ADAM32: variants seen among roughly 807,000 people sequenced by gnomAD.
The protein encoded by ADAM32 is ADAM metallopeptidase domain 32.
In ADAM32, 89 loss-of-function variants were observed where a neutral mutation model predicts 114.9. That is an observed-to-expected ratio of 0.77 (90% CI 0.65 to 0.92). ADAM32 has a LOEUF of 0.92. ADAM32 is among the 40% of genes least tolerant of loss of function. ADAM32 has a pLI of 0.00. For synonymous variants in ADAM32, 285 were observed against 307.5 expected (o/e 0.93, Z 0.77); for missense variants, 870 against 932.8 (o/e 0.93, Z 0.88).
chr8:39,172,742 T>C (rs7844992), intron 10 of ADAM32, among the ~76,000 whole-genome samples: 26 of 152,322 alleles, frequency 1.7e-4, no homozygotes, highest in South Asian at 4.1e-4. Flanking sequence ...CAGTCTATCA[T>C]TGATGGACAT....
At chr8:39,107,580 T>A (rs1839975428), upstream of ADAM32, 3 of 1,398,248 alleles carry the variant, frequency 2.1e-6, no homozygotes, top group South Asian at 4.6e-5. Context: ...GAGCTGGATG[T>A]TTTAGCCTCG....
chr8:39,197,343 G>C (rs1411788960), intron 11 of ADAM32, among the ~76,000 whole-genome samples: 1 of 151,092 alleles, frequency 6.6e-6, no homozygotes, highest in African/African-American at 2.4e-5. Context: ...TTTCTGCTCT[G>C]GTCTTTATTT....
intron 2 of ADAM32, chr8:39,129,947 C>G (rs982062700): frequency 3.1e-6 from 1 of 321,178 alleles, no homozygotes; most frequent in Non-Finnish European, 5.9e-6. Flanking sequence ...AATTGTACAT[C>G]ACATTTCCTT....
rs569965832 is a variant in ADAM32, at chr8:39,191,984, G to A, written c.1052+4939G>A. ...GTACCCGGTCTTCTTTGTACATCTG[G>A]TAGAATTTGGCTGTGACTCTGTCTG... On this transcript the variant is annotated intron_variant, in intron 11 of 24. Coordinates refer to ENST00000379907, the MANE Select transcript of ADAM32 (RefSeq NM_145004.7). Among the ~76,000 whole-genome samples the A allele has an allele frequency of 3.6e-4, 55 of 152,270 alleles. 1 individual carries two copies. In the South Asian group the frequency reaches 0.011, roughly 30 times the overall value.
intron 24 of ADAM32, among the ~76,000 whole-genome samples, 184 bp downstream of exon 24, chr8:39,283,808 C>T (rs1421276364): frequency 7.7e-6 from 1 of 129,408 alleles, no homozygotes; most frequent in African/African-American, 2.9e-5. Context: ...GAGTCTTGCT[C>T]TGTCGACCAG....
intron 19 of ADAM32, among the ~76,000 whole-genome samples, chr8:39,261,922 G>C (rs1456018909): frequency 6.6e-6 from 1 of 152,004 alleles, no homozygotes; most frequent in Non-Finnish European, 1.5e-5. Context: ...TGTTGAGATA[G>C]TTGAAATCAT....
chr8:39,257,341 C>A lies in ADAM32; in HGVS notation c.2160C>A (p.Ser720Arg). The change falls in exon 19 of 25, where the codon AGC becomes AGA. Residue 720 changes from serine (S) to arginine (R), a missense_variant and splice_region_variant. By Grantham distance (110) the Ser-to-Arg change is moderately radical. Transcript: ENST00000379907. ...CCAAGGAAGAGGAATTCCCAAGTAG[C>A]GAGTAAATTGCATTTGTGTTCTGAA... Reference protein sequence around the residue: ...WFAKEEEFPSSESKSEGSTQT... With the variant: ...WFAKEEEFPSRESKSEGSTQT... 2 of 1,612,306 alleles carry A rather than the reference C, an allele frequency of 1.2e-6. No individual in the cohort carries two copies. The highest frequency in any genetic ancestry group is 8.5e-7 in the Non-Finnish European group (1 of 1,179,042).
intron 5 of ADAM32, 44 bp downstream of exon 5, chr8:39,149,911 T>C (rs1467402799): frequency 6.7e-7 from 1 of 1,495,598 alleles, no homozygotes; most frequent in East Asian, 2.3e-5. Context: ...GTTATGATAT[T>C]TGGCTGCAGT....
chr8:39,159,832 G>C (rs1466310522), intron 6 of ADAM32, among the ~76,000 whole-genome samples: 1 of 152,114 alleles, frequency 6.6e-6, no homozygotes, highest in Non-Finnish European at 1.5e-5. Flanking sequence ...TCTGGCACGG[G>C]AAAGCCACAC....
At chr8:39,166,794 G>A (rs745535440) in intron 9 of ADAM32, 2 of 152,062 alleles carry the variant, frequency 1.3e-5, no homozygotes, top group African/African-American at 4.8e-5. Flanking sequence ...CATTAGTGTT[G>A]AGCATTTTTT....
At chr8:39,122,106 T>G (rs572239357) in intron 2 of ADAM32, among the ~76,000 whole-genome samples, 1 of 152,126 alleles carries the variant, frequency 6.6e-6, no homozygotes, top group Non-Finnish European at 1.5e-5. Context: ...TCAGGATGAG[T>G]CATAACTTGT....
At chr8:39,187,991 G>A (rs1806359484) in intron 11 of ADAM32, among the ~76,000 whole-genome samples, 1 of 152,118 alleles carries the variant, frequency 6.6e-6, no homozygotes, top group South Asian at 2.1e-4. Context: ...GCATTTTGTA[G>A]TTTTTCTGTT....
At chr8:39,224,760 C>G (rs1809235516) in intron 14 of ADAM32, among the ~76,000 whole-genome samples, 1 of 152,076 alleles carries the variant, frequency 6.6e-6, no homozygotes, top group Non-Finnish European at 1.5e-5. Flanking sequence ...GGATGCTGGT[C>G]TTCATCCCCT....
intron 12 of ADAM32, among the ~76,000 whole-genome samples, chr8:39,215,512 A>G (rs1808499324): frequency 6.6e-6 from 1 of 151,890 alleles, no homozygotes; most frequent in Non-Finnish European, 1.5e-5. Context: ...CTTTTTTGAT[A>G]TAAGTGCGTA....
rs180714762 is a variant in ADAM32, at chr8:39,171,337, T to C, written c.915+1340T>C. 2.0e-5 allele frequency among the ~76,000 whole-genome samples: 3 copies of C among 152,312 alleles called. No homozygotes were observed. In the East Asian group the frequency reaches 5.8e-4, roughly 29 times the overall value. On this transcript the variant is annotated intron_variant, in intron 10 of 24. Transcript: ENST00000379907. Reference sequence around the variant, plus strand: ...AGCTAGAGGACAAGATTTGGATTGTTCTCAGAACAAATAAATGGTATATGT... The same window carrying C: ...AGCTAGAGGACAAGATTTGGATTGTCCTCAGAACAAATAAATGGTATATGT...
chr8:39,168,257 AG>A (rs1350616254), intron 9 of ADAM32: 1 of 152,202 alleles, frequency 6.6e-6, no homozygotes, highest in East Asian at 1.9e-4. Context: ...CTGAACTTCT[AG>A]AGCCCTTCAT....
chr8:39,190,816 G>A (rs10448059), intron 11 of ADAM32, among the ~76,000 whole-genome samples: 37,460 of 151,934 alleles, frequency 0.25, 4,996 homozygotes, highest in Non-Finnish European at 0.29. Context: ...TTTGTTATAT[G>A]GGTACACTTG....
intron 19 of ADAM32, among the ~76,000 whole-genome samples, chr8:39,262,530 C>T (rs2129450941): frequency 6.6e-6 from 1 of 152,130 alleles, no homozygotes. Flanking sequence ...TATTCAGGGC[C>T]TTTTGTAGTT....
At chr8:39,239,816 T>C (rs1810435600) in intron 16 of ADAM32, among the ~76,000 whole-genome samples, 1 of 151,960 alleles carries the variant, frequency 6.6e-6, no homozygotes, top group Non-Finnish European at 1.5e-5. Context: ...GCAAAAACAC[T>C]TAAAAAAGAC....
Sources: allele counts gnomAD v4.1 joint callset (sites outside exome capture counted in the v4.1 genomes callset), GRCh38; gene constraint gnomAD v4.1.1; transcripts MANE v1.5; gene names NCBI Gene and HGNC (gene_info 2026-07-23, HGNC 2026-07-21).